The following E2F1 variants were observed in gnomAD, a reference collection of about 807,000 sequenced individuals.
E2F1 encodes E2F transcription factor 1.
E2F1 carries 7 observed loss-of-function variants against 36.9 expected under a neutral mutation model. That is an observed-to-expected ratio of 0.19 (90% CI 0.11 to 0.36). The LOEUF (loss-of-function observed/expected upper bound fraction) is 0.36, where lower values mean the gene tolerates loss of function less well. Ranked by LOEUF, E2F1 falls within the 10% of genes least tolerant of loss-of-function variation. The pLI, the probability that E2F1 is intolerant of heterozygous loss-of-function variation, is 1.00. For synonymous variants in E2F1, 261 were observed against 263.1 expected (o/e 0.99, Z 0.08); for missense variants, 406 against 573.6 (o/e 0.71, Z 2.99).
At position 33,677,265 on chromosome 20, in the gene E2F1, G is replaced by A. The variant is rs554294623; in HGVS notation, c.906C>T (p.Thr302=). 118 of 1,614,092 alleles carry A rather than the reference G, an allele frequency of 7.3e-5. 1 individual carries two copies. Among genetic ancestry groups the A allele is most frequent in the South Asian group, 6.5e-4 (59 of 91,078 alleles). ...TCTTCCCAGGGCTGATCCCACCTACGGTCTCCTCAGGGCACAGGAAAACAT... is the reference window on the plus strand; with the variant it reads ...TCTTCCCAGGGCTGATCCCACCTACAGTCTCCTCAGGGCACAGGAAAACAT... ...PIDVFLCPEE[T]VGGISPGKTP... The change falls in exon 6 of 7, where the codon ACC becomes ACT. Residue 302 remains threonine (T), a synonymous_variant. Coordinates refer to ENST00000343380, the MANE Select transcript of E2F1 (RefSeq NM_005225.3).
intron 1 of E2F1, 132 bp downstream of exon 1, chr20:33,685,872 A>T: frequency 1.1e-6 from 1 of 889,168 alleles, no homozygotes; most frequent in Non-Finnish European, 1.4e-6. Flanking sequence ...CCGGCTCTGC[A>T]CCGCCCAGCC....
chr20:33,679,151 G>C lies in E2F1; in HGVS notation c.572+604C>G, dbSNP rs1417865463. 1.3e-5 allele frequency among the ~76,000 whole-genome samples: 2 copies of C among 152,262 alleles called. No homozygotes were observed. Among genetic ancestry groups the C allele is most frequent in the African/African-American group, 4.8e-5 (2 of 41,468 alleles). ...CAGGATAGTGGTGACCTGGCGGTGT[G>C]AGGGGTTGGCAATGACTGGAAAGGG... On this transcript the variant is annotated intron_variant, in intron 3 of 6. Transcript: ENST00000343380. This position sits in a 1 kb window ranked among gnomAD's most constrained non-coding sequence, Gnocchi z 4.6.
rs1601186281 is a variant in E2F1, at chr20:33,679,211, C to G, written c.572+544G>C. Among the ~76,000 whole-genome samples, 1 of 152,244 alleles carries G rather than the reference C, an allele frequency of 6.6e-6. No homozygotes were observed. The highest frequency in any genetic ancestry group is 1.9e-4 in the East Asian group (1 of 5,198). ...AACCTTCTAGGGTGTTGAAAATGCT[C>G]TTATCTTGATCTGAATGGTGGCAAC... On this transcript the variant is annotated intron_variant, in intron 3 of 6. Coordinates refer to ENST00000343380, the MANE Select transcript of E2F1 (RefSeq NM_005225.3). The surrounding 1 kb of genome is among the most constrained non-coding windows in gnomAD (Gnocchi z 4.6).
rs2017954048 is a variant in E2F1 at position 33,676,322 on chromosome 20, C to T, written c.*410G>A. 1 of 163,190 alleles carries T rather than the reference C, an allele frequency of 6.1e-6. No individual in the cohort carries two copies. The highest frequency in any genetic ancestry group is 2.4e-5 in the African/African-American group (1 of 41,826). 10.1% of individuals were successfully genotyped at this position (163,190 alleles called of 1,614,324 possible). A position where few individuals can be genotyped will look rare whatever the true frequency, so the allele number is the denominator to read the frequency against. On this transcript the variant is annotated 3_prime_UTR_variant, in exon 7 of 7. Transcript: ENST00000343380. ...CACTGCCCTGGGCCTTGTGGGACCC[C>T]CAGAGCAAAAGGGCCGAAAGTGCAG...
In E2F1 at chr20:33,681,184, G is replaced by A. The variant is rs968345234; in HGVS notation, c.262-768C>T. The stretch of plus-strand genomic sequence containing the variant: ...CTTCCAAACAGCTGGGACCACAGGC[G>A]CATCCCTCCAAGACCAGCTAACTTT... On this transcript the variant is annotated intron_variant, in intron 1 of 6. Transcript: ENST00000343380. Among the ~76,000 whole-genome samples, 17 of 152,084 alleles carry A rather than the reference G, an allele frequency of 1.1e-4. No homozygotes were observed. In the East Asian group the frequency reaches 1.9e-3, roughly 17 times the overall value.
In E2F1 at chr20:33,686,384, C is replaced by T. The variant is rs1193389957; in HGVS notation, c.-120G>A. On this transcript the variant is annotated 5_prime_UTR_variant, in exon 1 of 7. Transcript: ENST00000343380. ...CCCGGCCGCCGCTGCCTGCAAAGTC[C>T]CGGCCACTTTTACGCGCCAAATCCT... 4.5e-6 allele frequency: 4 copies of T among 885,926 alleles called. No homozygotes were observed. The highest frequency in any genetic ancestry group is 5.4e-6 in the Non-Finnish European group (4 of 738,492). The allele number at this position is 885,926 out of a possible 1,614,324, so 54.9% of individuals were successfully genotyped here. A position where few individuals can be genotyped will look rare whatever the true frequency, so the allele number is the denominator to read the frequency against.
chr20:33,676,750 G>T lies in E2F1; in HGVS notation c.1296C>A (p.Leu432=). The T allele has an allele frequency of 6.2e-7, 1 of 1,609,358 alleles. No homozygotes were observed. Among genetic ancestry groups the T allele is most frequent in the East Asian group, 2.2e-5 (1 of 44,722 alleles). ...RDLFDCDFGD[L]TPLDF ...AGCCCTGTCAGAAATCCAGGGGGGT[G>T]AGGTCCCCAAAGTCACAGTCGAAGA... The change falls in exon 7 of 7, where the codon CTC becomes CTA. Residue 432 remains leucine, a synonymous_variant. Coordinates refer to ENST00000343380, the MANE Select transcript of E2F1 (RefSeq NM_005225.3).
At chr20:33,680,249 C>T in intron 2 of E2F1, 77 bp downstream of exon 2, 2 of 1,478,066 alleles carry the variant, frequency 1.4e-6, no homozygotes. Context: ...CGTTAGCTTG[C>T]AAGCATGTTT....
chr20:33,685,883 TG>T, intron 1 of E2F1, 120 bp downstream of exon 1: 1 of 945,452 alleles, frequency 1.1e-6, no homozygotes, highest in Non-Finnish European at 1.3e-6. Context: ...CCGCCCAGCC[TG>T]GGCGCCTCAG....
chr20:33,683,535 G>A (rs1182476549), intron 1 of E2F1, among the ~76,000 whole-genome samples: 1 of 151,814 alleles, frequency 6.6e-6, no homozygotes, highest in African/African-American at 2.4e-5. Flanking sequence ...CACTTTGAGA[G>A]GCTGAGACAG....
chr20:33,677,249 G>A lies in E2F1; in HGVS notation c.922C>T (p.Pro308Ser), dbSNP rs773197012. ...CPEETVGGIS[P>S]GKTPSQEVTS... Reference sequence around the variant, plus strand: ...ACCTCCTGGGATGGGGTCTTCCCAGGGCTGATCCCACCTACGGTCTCCTCA... The same window carrying A: ...ACCTCCTGGGATGGGGTCTTCCCAGAGCTGATCCCACCTACGGTCTCCTCA... Residue 308 changes from proline (P) to serine (S), a missense_variant, in exon 6 of 7, where the codon CCT becomes TCT. Pro to Ser is a moderately conservative substitution (Grantham distance 74). Coordinates refer to ENST00000343380, the MANE Select transcript of E2F1 (RefSeq NM_005225.3). 2 of 1,614,112 alleles carry A rather than the reference G, an allele frequency of 1.2e-6. No individual in the cohort carries two copies. Among genetic ancestry groups the A allele is most frequent in the Admixed American group, 1.7e-5 (1 of 60,014 alleles).
intron 1 of E2F1, among the ~76,000 whole-genome samples, chr20:33,681,290 C>T (rs1451398964): frequency 6.6e-6 from 1 of 152,220 alleles, no homozygotes; most frequent in Non-Finnish European, 1.5e-5. Flanking sequence ...TCTCCCATCT[C>T]AGCCTTCACT....
chr20:33,684,523 GA>G (rs754956062), intron 1 of E2F1, among the ~76,000 whole-genome samples: 1 of 152,292 alleles, frequency 6.6e-6, no homozygotes, highest in Admixed American at 6.5e-5. Context: ...AGGAAACGCA[GA>G]CTGCTCTCCC....
At position 33,681,739 on chromosome 20, in the gene E2F1, A is replaced by G. The variant is rs1017707839; in HGVS notation, c.262-1323T>C. ...GTTCCTGACCTGTCACCCTCCTCAC[A>G]TGCAGCTACCAAGAACTGCTCATCA... On this transcript the variant is annotated intron_variant, in intron 1 of 6. Transcript: ENST00000343380. Among the ~76,000 whole-genome samples the G allele has an allele frequency of 1.1e-4, 16 of 152,192 alleles. No individual in the cohort carries two copies. In the East Asian group the frequency reaches 3.1e-3, roughly 29 times the overall value.
At chr20:33,677,061 G>A (rs952341140) in intron 6 of E2F1, 44 bp downstream of exon 6, 3 of 1,573,974 alleles carry the variant, frequency 1.9e-6, no homozygotes, top group Non-Finnish European at 2.6e-6. Flanking sequence ...CCACCCCCCA[G>A]AAGAGGGGCC....
intron 6 of E2F1, 30 bp downstream of exon 6, chr20:33,677,049 GCCCACCCCCCAGAAGAGGGGCCCTGC>G: frequency 1.3e-6 from 2 of 1,567,568 alleles, no homozygotes; most frequent in Admixed American, 1.8e-5. Context: ...TGTCGTGCCT[GCCCACCCCCCAGAAGAGGGGCCCTGC>G]CCCACCCCAC....
chr20:33,685,770 G>A (rs1206145654), intron 1 of E2F1, among the ~76,000 whole-genome samples: 1 of 152,172 alleles, frequency 6.6e-6, no homozygotes, highest in Admixed American at 6.5e-5. Context: ...GGGAGGCTCC[G>A]GTGAGGAAGC....
rs2017957765 is a variant in E2F1, at chr20:33,676,441, C to T, written c.*291G>A. 2.7e-6 allele frequency: 1 copy of T among 370,142 alleles called. No homozygotes were observed. The allele number at this position is 370,142 out of a possible 1,614,324, so 22.9% of individuals were successfully genotyped here. A position where few individuals can be genotyped will look rare whatever the true frequency, so the allele number is the denominator to read the frequency against. On this transcript the variant is annotated 3_prime_UTR_variant, in exon 7 of 7. Coordinates refer to ENST00000343380, the MANE Select transcript of E2F1 (RefSeq NM_005225.3). Reference sequence around the variant, plus strand: ...GTGCACACACAGAGGTGTATGTTCACCTTCATTCCCCGGTACATGCACACA... The same window carrying T: ...GTGCACACACAGAGGTGTATGTTCATCTTCATTCCCCGGTACATGCACACA...
Position 33,675,828 on chromosome 20 carries a change from G to T in E2F1, c.*904C>A, listed in dbSNP as rs1269955961. The T allele has an allele frequency of 5.4e-6, 1 of 183,618 alleles. No homozygotes were observed. The highest frequency in any genetic ancestry group is 1.1e-5 in the Non-Finnish European group (1 of 87,956). 11.4% of individuals were successfully genotyped at this position (183,618 alleles called of 1,614,324 possible). ...CAGGAGGGACCACAGGGTCTGGGCT[G>T]GGGGAGGCCTTCACCACCCCTCCTG... On this transcript the variant is annotated 3_prime_UTR_variant, in exon 7 of 7. Coordinates refer to ENST00000343380, the MANE Select transcript of E2F1 (RefSeq NM_005225.3).
Sources: allele counts gnomAD v4.1 joint callset (sites outside exome capture counted in the v4.1 genomes callset), GRCh38; gene constraint gnomAD v4.1.1; non-coding constraint Gnocchi (gnomAD v3.1); transcripts MANE v1.5; gene names NCBI Gene and HGNC (gene_info 2026-07-23, HGNC 2026-07-21).